AP2B1: variants seen among roughly 807,000 people sequenced by gnomAD.
The protein encoded by AP2B1 is AP-2 complex subunit beta.
In AP2B1, 23 loss-of-function variants were observed where a neutral mutation model predicts 102.0. That is an observed-to-expected ratio of 0.23 (90% confidence interval 0.16 to 0.32). AP2B1 has a LOEUF of 0.32. Ranked by LOEUF, AP2B1 falls within the 10% of genes least tolerant of loss-of-function variation. The pLI is 1.00. For synonymous variants in AP2B1, 381 were observed against 421.2 expected, an observed-to-expected ratio of 0.90 and a Z score of 1.17; for missense variants, 541 against 1,157.4, an observed-to-expected ratio of 0.47 and a Z score of 7.73.
At chr17:35,659,772 ATTG>A in intron 14 of AP2B1, 2 of 984,450 alleles carry the variant, frequency 2.0e-6, no homozygotes, top group Non-Finnish European at 2.4e-6. Context: ...AGCCCCAGAA[ATTG>A]TTTACAGTGC....
intron 12 of AP2B1, among the ~76,000 whole-genome samples, chr17:35,643,974 G>A (rs1382321123): frequency 6.6e-6 from 1 of 152,174 alleles, no homozygotes; most frequent in Non-Finnish European, 1.5e-5. Flanking sequence ...AAACTATGTA[G>A]GCCACTGTGG....
At chr17:35,650,846 C>G in intron 13 of AP2B1, 57 bp downstream of exon 13, 1 of 1,567,644 alleles carries the variant, frequency 6.4e-7, no homozygotes, top group Non-Finnish European at 8.7e-7. Context: ...GACAGCGTTG[C>G]TCTTCTTTAT....
chr17:35,617,589 C>T (rs1393816500), intron 5 of AP2B1, among the ~76,000 whole-genome samples: 1 of 152,134 alleles, frequency 6.6e-6, no homozygotes, highest in Non-Finnish European at 1.5e-5. Flanking sequence ...ACTACTTTTA[C>T]AAGGTAATTA....
chr17:35,688,942 T>C (rs1291110225), intron 18 of AP2B1, among the ~76,000 whole-genome samples: 1 of 152,058 alleles, frequency 6.6e-6, no homozygotes, highest in Non-Finnish European at 1.5e-5. Flanking sequence ...CCAGCCTGCG[T>C]GACAGAACGA....
At chr17:35,656,430 A>G (rs1490232093) in intron 13 of AP2B1, among the ~76,000 whole-genome samples, 2 of 152,136 alleles carry the variant, frequency 1.3e-5, no homozygotes, top group Admixed American at 6.5e-5. Flanking sequence ...TATTTCATAC[A>G]TTGTTGATTA....
intron 12 of AP2B1, among the ~76,000 whole-genome samples, chr17:35,642,917 G>A (rs2142753611): frequency 6.6e-6 from 1 of 152,136 alleles, no homozygotes; most frequent in East Asian, 1.9e-4. Context: ...ATAAACATCA[G>A]TGGTTAATAT....
chr17:35,667,054 C>G (rs1271128295), intron 14 of AP2B1, among the ~76,000 whole-genome samples: 1 of 152,186 alleles, frequency 6.6e-6, no homozygotes, highest in African/African-American at 2.4e-5. Context: ...TAGTTGTTCA[C>G]TTTCTAGCTT....
chr17:35,662,080 G>T (rs1237805461), intron 14 of AP2B1, among the ~76,000 whole-genome samples: 3 of 152,136 alleles, frequency 2.0e-5, no homozygotes, highest in Non-Finnish European at 4.4e-5. Flanking sequence ...CAACATTGGT[G>T]ATTCTTTAAA....
chr17:35,597,508 C>T (rs985472559), intron 2 of AP2B1, among the ~76,000 whole-genome samples: 14 of 152,060 alleles, frequency 9.2e-5, no homozygotes, highest in African/African-American at 3.1e-4. Context: ...CAAGATTATT[C>T]TTGTTTGATT....
At position 35,595,539 on chromosome 17, in the gene AP2B1, C is replaced by T. The variant is rs973062861; in HGVS notation, c.37+1472C>T. 1.1e-4 allele frequency among the ~76,000 whole-genome samples: 17 copies of T among 151,738 alleles called. 1 individual carries two copies. The East Asian group carries it at 1.9e-3, about 17-fold the overall frequency. On this transcript the variant is annotated intron_variant, in intron 2 of 21. Coordinates refer to ENST00000610402, the MANE Select transcript of AP2B1 (RefSeq NM_001030006.2). ...CCCAGCCTAGGCAACAGAGAGAGAC[C>T]CTGTCTCAAAAGAAAAAAATTAAAA...
chr17:35,659,991 T>C (rs1332916335), intron 14 of AP2B1: 1 of 985,314 alleles, frequency 1.0e-6, no homozygotes, highest in Admixed American at 6.1e-5. Flanking sequence ...GCAGTGGACT[T>C]TTAAAATGCT....
chr17:35,720,600 T>A (rs868909276), intron 21 of AP2B1, among the ~76,000 whole-genome samples: 30 of 118,052 alleles, frequency 2.5e-4, no homozygotes, highest in African/African-American at 5.4e-4. Flanking sequence ...TTTTTTTTTT[T>A]AATATAGAGA....
intron 1 of AP2B1, among the ~76,000 whole-genome samples, chr17:35,589,865 C>A (rs1439610613): frequency 2.0e-5 from 3 of 151,336 alleles, no homozygotes; most frequent in Non-Finnish European, 2.9e-5. Context: ...TGAGGCACTT[C>A]AGCAAATATT....
In AP2B1 at chr17:35,670,963, A is replaced by G. The variant is rs543129767; in HGVS notation, c.2031+65A>G. The G allele has an allele frequency of 5.2e-6, 8 of 1,534,536 alleles. No homozygotes were observed. In the African/African-American group the frequency reaches 1.1e-4, roughly 21 times the overall value. On this transcript the variant is annotated intron_variant, in intron 15 of 21. Transcript: ENST00000610402. ...CCCCTGTTTGATGCCTTTCCTATGT[A>G]CACATTATCAGACCAGCCACTGCTG...
intron 14 of AP2B1, among the ~76,000 whole-genome samples, chr17:35,658,131 A>G (rs2075274763): frequency 6.6e-6 from 1 of 152,154 alleles, no homozygotes; most frequent in African/African-American, 2.4e-5. Flanking sequence ...GATAGCCCAC[A>G]TAAATTCTCC....
At chr17:35,659,021 T>A (rs1305419884) in intron 14 of AP2B1, among the ~76,000 whole-genome samples, 2 of 152,236 alleles carry the variant, frequency 1.3e-5, no homozygotes, top group Non-Finnish European at 2.9e-5. Flanking sequence ...CTTGGGAATA[T>A]AAGCAAATAC....
rs978998732 is a variant in AP2B1, at chr17:35,621,381, T to C, written c.526-3016T>C. On this transcript the variant is annotated intron_variant, in intron 5 of 21. Transcript: ENST00000610402. ...GCTGCCTGGTGAGCCTGCCTCAGTA[T>C]GTTGCTAAAAATGTAACAGTCTGAC... 87 of 976,912 alleles carry C rather than the reference T, an allele frequency of 8.9e-5. No homozygotes were observed. The African/African-American group carries it at 1.5e-3, about 17-fold the overall frequency. The allele number at this position is 976,912 out of a possible 1,614,324, so 60.5% of individuals were successfully genotyped here. A position where few individuals can be genotyped will look rare whatever the true frequency, so the allele number is the denominator to read the frequency against.
At chr17:35,622,779 C>G (rs1833035752) in intron 5 of AP2B1, among the ~76,000 whole-genome samples, 1 of 152,184 alleles carries the variant, frequency 6.6e-6, no homozygotes, top group Non-Finnish European at 1.5e-5. Flanking sequence ...GTTCTCCTGC[C>G]TCAGCCTCCT....
chr17:35,721,924 A>G (rs2085404855), intron 21 of AP2B1, among the ~76,000 whole-genome samples: 2 of 152,232 alleles, frequency 1.3e-5, no homozygotes, highest in East Asian at 3.9e-4. Context: ...GGCAGTAGAG[A>G]AGGCTGTAGA....
Sources: gnomAD v4.1 joint callset for allele counts (sites outside exome capture counted in the v4.1 genomes callset) on GRCh38, gnomAD v4.1.1 for gene constraint, MANE v1.5 for transcripts, NCBI Gene and HGNC (gene_info 2026-07-23, HGNC 2026-07-21) for gene names.